ASTN2: variants seen among roughly 807,000 people sequenced by gnomAD.
ASTN2 encodes astrotactin 2, also known as astrotactin-2.
Under a neutral mutation model 139.8 loss-of-function variants are expected in ASTN2, and 54 were observed. That is an observed-to-expected ratio of 0.39 (90% CI 0.31 to 0.48). The LOEUF is 0.48. ASTN2 is among the 20% of genes least tolerant of loss of function. ASTN2 has a pLI of 0.95. For missense variants in ASTN2, 1,565 were observed against 1,725.1 expected (o/e 0.91, Z 1.64); for synonymous variants, 756 against 719.5 (o/e 1.05, Z -0.81).
chr9:116,863,760 C>T, intron 10 of ASTN2, 27 bp from the exon 11 acceptor site: 4 of 1,582,448 alleles, frequency 2.5e-6, no homozygotes, highest in Non-Finnish European at 3.4e-6. Context: ...ATGGTTAAAC[C>T]CCAGAGACAT....
chr9:117,112,551 G>T (rs1829276379), intron 4 of ASTN2, among the ~76,000 whole-genome samples: 1 of 152,038 alleles, frequency 6.6e-6, no homozygotes, highest in Non-Finnish European at 1.5e-5. Context: ...CAACTGGAGA[G>T]CCATATGCTA....
chr9:117,121,911 A>G (rs1413757241), intron 4 of ASTN2, among the ~76,000 whole-genome samples: 1 of 152,208 alleles, frequency 6.6e-6, no homozygotes, highest in Non-Finnish European at 1.5e-5. Context: ...CTCACTCACC[A>G]TCTTGAGAAC....
At chr9:116,900,869 C>T (rs1008587696) in intron 10 of ASTN2, among the ~76,000 whole-genome samples, 4 of 152,194 alleles carry the variant, frequency 2.6e-5, no homozygotes, top group Non-Finnish European at 4.4e-5. Flanking sequence ...GACTGCTTCT[C>T]TACGGGCTTT....
intron 1 of ASTN2, among the ~76,000 whole-genome samples, chr9:117,324,108 G>A (rs1327611228): frequency 1.3e-5 from 2 of 152,120 alleles, no homozygotes; most frequent in African/African-American, 4.8e-5. Context: ...GGCTATGGAA[G>A]GTGAAAAAGG....
intron 3 of ASTN2, among the ~76,000 whole-genome samples, chr9:117,155,510 CAG>C (rs1357459863): frequency 9.6e-6 from 1 of 104,036 alleles, no homozygotes; most frequent in Non-Finnish European, 2.2e-5. Context: ...GAGAGAGAGA[CAG>C]AGACAGAGAC....
chr9:117,329,314 C>T (rs1369487215), intron 1 of ASTN2, among the ~76,000 whole-genome samples: 2 of 150,816 alleles, frequency 1.3e-5, no homozygotes, highest in African/African-American at 4.9e-5. Context: ...GTTCCTTGTC[C>T]ACTTTCCTCT....
intron 16 of ASTN2, among the ~76,000 whole-genome samples, chr9:116,694,445 G>C (rs1310661555): frequency 7.0e-6 from 1 of 143,228 alleles, no homozygotes; most frequent in Non-Finnish European, 1.5e-5. Flanking sequence ...CATGGATCCT[G>C]AGTTGTAATT....
At chr9:117,269,662 C>T (rs919711788) in intron 2 of ASTN2, among the ~76,000 whole-genome samples, 1 of 152,164 alleles carries the variant, frequency 6.6e-6, no homozygotes, top group African/African-American at 2.4e-5. Context: ...GTGGGCAAGG[C>T]CCCGTGCGAA....
chr9:116,734,816 T>C (rs1828882154), intron 13 of ASTN2, among the ~76,000 whole-genome samples: 1 of 152,174 alleles, frequency 6.6e-6, no homozygotes, highest in Non-Finnish European at 1.5e-5. Flanking sequence ...CCAGGCACCT[T>C]TGAAGCTCAT....
chr9:116,623,155 G>C (rs1158759992), intron 17 of ASTN2, among the ~76,000 whole-genome samples: 1 of 10,436 alleles, frequency 9.6e-5, no homozygotes, highest in Non-Finnish European at 3.1e-4. Flanking sequence ...CTCTGTGTGT[G>C]TGTGTGTGTG....
chr9:116,555,671 G>A (rs1852579170), intron 19 of ASTN2, among the ~76,000 whole-genome samples: 1 of 152,096 alleles, frequency 6.6e-6, no homozygotes, highest in Non-Finnish European at 1.5e-5. Flanking sequence ...GGAAGGAAAG[G>A]ATGATGGATT....
At chr9:116,866,512 T>A (rs1426306725) in intron 10 of ASTN2, among the ~76,000 whole-genome samples, 2 of 152,258 alleles carry the variant, frequency 1.3e-5, no homozygotes, top group Non-Finnish European at 2.9e-5. Flanking sequence ...CACTTTTGAA[T>A]CATGAAGAGA....
chr9:116,693,308 G>A (rs912498608), intron 16 of ASTN2, among the ~76,000 whole-genome samples: 1 of 152,164 alleles, frequency 6.6e-6, no homozygotes, highest in African/African-American at 2.4e-5. Flanking sequence ...ACAGTGCTAA[G>A]ATATGATCTC....
chr9:117,197,796 G>T (rs1381058000), intron 3 of ASTN2, among the ~76,000 whole-genome samples: 1 of 152,162 alleles, frequency 6.6e-6, no homozygotes, highest in South Asian at 2.1e-4. Flanking sequence ...TGTCTGAAAG[G>T]TCTTTATTTC....
chr9:117,304,948 C>T (rs1170754512), intron 1 of ASTN2, among the ~76,000 whole-genome samples: 1 of 152,146 alleles, frequency 6.6e-6, no homozygotes, highest in Non-Finnish European at 1.5e-5. Context: ...GAAAAAATGG[C>T]TAAGGTTATT....
At chr9:116,878,615 A>T (rs1303012861) in intron 10 of ASTN2, among the ~76,000 whole-genome samples, 1 of 152,106 alleles carries the variant, frequency 6.6e-6, no homozygotes, top group Non-Finnish European at 1.5e-5. Flanking sequence ...TACCTAGGTG[A>T]TGGGTTGATA....
intron 2 of ASTN2, among the ~76,000 whole-genome samples, chr9:117,276,635 C>G (rs1834197014): frequency 6.6e-6 from 1 of 152,124 alleles, no homozygotes; most frequent in African/African-American, 2.4e-5. Flanking sequence ...ATGGGGAAAG[C>G]CCGGAGCTGC....
rs572341151 is a variant in ASTN2, at chr9:117,273,257, C to T, written c.630+18069G>A. Among the ~76,000 whole-genome samples, 472 of 152,278 alleles carry T rather than the reference C, an allele frequency of 3.1e-3. 3 individuals are homozygous for T. Among genetic ancestry groups the T allele is most frequent in the African/African-American group, 0.011 (440 of 41,572 alleles). On this transcript the variant is annotated intron_variant, in intron 2 of 22. Coordinates refer to ENST00000313400, the MANE Select transcript of ASTN2 (RefSeq NM_001365068.1). ...GAGAATAGCATGAGAAAGATCAACC[C>T]CCATGATTCAATTACCTCCCCTTGG...
At chr9:116,893,823 G>A (rs1217580032) in intron 10 of ASTN2, among the ~76,000 whole-genome samples, 3 of 152,014 alleles carry the variant, frequency 2.0e-5, no homozygotes, top group African/African-American at 7.2e-5. Context: ...TCTATCCCAA[G>A]CCCACTGCCA....
Sources: allele counts gnomAD v4.1 joint callset (sites outside exome capture counted in the v4.1 genomes callset), GRCh38; gene constraint gnomAD v4.1.1; transcripts MANE v1.5; gene names NCBI Gene and HGNC (gene_info 2026-07-23, HGNC 2026-07-21).